SCRG1: variants seen among roughly 807,000 people sequenced by gnomAD.
SCRG1 encodes stimulator of chondrogenesis 1.
SCRG1 carries 3 observed loss-of-function variants against 7.7 expected under a neutral mutation model. The ratio of observed to expected loss-of-function variants is 0.39; its 90% CI spans 0.18 to 1.01. The LOEUF is 1.01. Ranked by LOEUF, SCRG1 falls within the 50% of genes least tolerant of loss-of-function variation. The probability of loss-of-function intolerance (pLI) is 0.36; values close to 1 mark genes in which losing one functional copy is unlikely to be tolerated. For synonymous variants in SCRG1, 46 were observed against 41.2 expected, an observed-to-expected ratio of 1.12 and a Z score of -0.44; for missense variants, 110 against 117.2, an observed-to-expected ratio of 0.94 and a Z score of 0.28.
chr4:173,446,706 G>A, the SCRG1 span: 1 of 152,226 alleles, frequency 6.6e-6, no homozygotes, highest in African/African-American at 2.4e-5. Context: ...AGCAAGCACA[G>A]TGTACATGTT....
the SCRG1 span, among the ~76,000 whole-genome samples, chr4:173,415,354 C>T: frequency 4.5e-4 from 69 of 152,286 alleles, no homozygotes; most frequent in Non-Finnish European, 9.3e-4. Flanking sequence ...GTGTAACCCC[C>T]GTTTCCTTTT....
chr4:173,501,069 A>T, the SCRG1 span, among the ~76,000 whole-genome samples: 3 of 152,038 alleles, frequency 2.0e-5, no homozygotes, highest in African/African-American at 7.2e-5. The surrounding 1 kb of genome is among the most constrained non-coding windows in gnomAD (Gnocchi z 5.1). Flanking sequence ...CTGCTCTCGG[A>T]CGCCGTGACG....
the SCRG1 span, among the ~76,000 whole-genome samples, chr4:173,516,766 C>A: frequency 2.6e-5 from 4 of 152,184 alleles, no homozygotes; most frequent in South Asian, 2.1e-4. Context: ...AATTACCCCG[C>A]GCGCTGACGT....
upstream of SCRG1, among the ~76,000 whole-genome samples, chr4:173,402,646 A>G (rs1389143208): frequency 6.6e-6 from 1 of 152,136 alleles, no homozygotes; most frequent in Non-Finnish European, 1.5e-5. Flanking sequence ...CTGGGAGCTC[A>G]TGCATTCACC....
the SCRG1 span, among the ~76,000 whole-genome samples, chr4:173,477,941 T>A: frequency 1.3e-5 from 2 of 152,022 alleles, no homozygotes; most frequent in Admixed American, 1.3e-4. Context: ...GGTAATTTTT[T>A]AATTTTTTGG....
chr4:173,426,882 C>T, the SCRG1 span, among the ~76,000 whole-genome samples: 272 of 152,296 alleles, frequency 1.8e-3, no homozygotes, highest in Middle Eastern at 3.4e-3. Context: ...GGTACCCTTG[C>T]AGATCAATGG....
chr4:173,450,406 A>G, the SCRG1 span, among the ~76,000 whole-genome samples: 16,598 of 152,090 alleles, frequency 0.11, 963 homozygotes, highest in African/African-American at 0.13. Flanking sequence ...TCATCTCTGG[A>G]GCCTGATCCT....
chr4:173,434,413 AC>A, the SCRG1 span, among the ~76,000 whole-genome samples: 1 of 152,230 alleles, frequency 6.6e-6, no homozygotes, highest in African/African-American at 2.4e-5. Context: ...ACTGTAAACC[AC>A]ATATTTGAAG....
At chr4:173,511,365 C>G in the SCRG1 span, among the ~76,000 whole-genome samples, 1 of 152,148 alleles carries the variant, frequency 6.6e-6, no homozygotes, top group African/African-American at 2.4e-5. This position sits in a 1 kb window ranked among gnomAD's most constrained non-coding sequence, Gnocchi z 5.2. Context: ...ATTAACCGGC[C>G]CCAGATATCA....
the SCRG1 span, among the ~76,000 whole-genome samples, chr4:173,423,153 A>C: frequency 6.6e-6 from 1 of 152,176 alleles, no homozygotes; most frequent in Non-Finnish European, 1.5e-5. Flanking sequence ...CTAAGTGTAC[A>C]TTTTCTTAAA....
the SCRG1 span, among the ~76,000 whole-genome samples, chr4:173,486,905 G>T: frequency 6.6e-6 from 1 of 152,102 alleles, no homozygotes; most frequent in Non-Finnish European, 1.5e-5. Context: ...TCCATTCAGG[G>T]CCTCCTTGTT....
the SCRG1 span, among the ~76,000 whole-genome samples, chr4:173,505,426 G>C: frequency 1.3e-5 from 2 of 152,044 alleles, no homozygotes; most frequent in African/African-American, 4.8e-5. The surrounding 1 kb of genome is among the most constrained non-coding windows in gnomAD (Gnocchi z 4.4). Context: ...ACTGATTCTT[G>C]TACATCAGTA....
At chr4:173,449,967 TA>T in the SCRG1 span, among the ~76,000 whole-genome samples, 1 of 152,148 alleles carries the variant, frequency 6.6e-6, no homozygotes, top group African/African-American at 2.4e-5. Flanking sequence ...TTAAACTGAT[TA>T]AAAAATTGTT....
At chr4:173,483,402 T>TATAATATATA in the SCRG1 span, among the ~76,000 whole-genome samples, 4 of 13,370 alleles carry the variant, frequency 3.0e-4, 1 homozygote, top group Admixed American at 9.9e-4. Flanking sequence ...TATATCATGA[T>TATAATATATA]ATATATTATA....
the SCRG1 span, among the ~76,000 whole-genome samples, chr4:173,448,543 C>T: frequency 6.6e-6 from 1 of 152,228 alleles, no homozygotes; most frequent in Non-Finnish European, 1.5e-5. Context: ...AGGTTTTACA[C>T]TGGGATTTGA....
chr4:173,451,626 CTTACTTAT>C, the SCRG1 span, among the ~76,000 whole-genome samples: 1 of 121,448 alleles, frequency 8.2e-6, no homozygotes, highest in Non-Finnish European at 1.7e-5. Context: ...TTTTATTTTA[CTTACTTAT>C]TTTATTTATT....
At chr4:173,466,652 TAACTCA>T in the SCRG1 span, among the ~76,000 whole-genome samples, 74 of 152,144 alleles carry the variant, frequency 4.9e-4, no homozygotes, top group African/African-American at 1.7e-3. Context: ...TCCAAATGCT[TAACTCA>T]GTCTTTTTTC....
At chr4:173,484,827 TTA>T in the SCRG1 span, among the ~76,000 whole-genome samples, 3 of 80,034 alleles carry the variant, frequency 3.7e-5, no homozygotes, top group Non-Finnish European at 6.4e-5. Flanking sequence ...ATAATATATA[TTA>T]TATGTACAAT....
the SCRG1 span, among the ~76,000 whole-genome samples, chr4:173,453,803 G>T: frequency 1.6e-4 from 24 of 152,180 alleles, no homozygotes; most frequent in Admixed American, 2.0e-4. Flanking sequence ...GCAGCTGGGT[G>T]TGGTGGCTCA....
Sources: allele counts gnomAD v4.1 joint callset (sites outside exome capture counted in the v4.1 genomes callset), GRCh38; gene constraint gnomAD v4.1.1; non-coding constraint Gnocchi (gnomAD v3.1); transcripts MANE v1.5; gene names NCBI Gene and HGNC (gene_info 2026-07-23, HGNC 2026-07-21).